The following NRXN3 variants were observed in gnomAD, a reference collection of about 807,000 sequenced individuals.
NRXN3 encodes the protein neurexin III.
NRXN3 carries 32 observed loss-of-function variants against 137.6 expected under a neutral mutation model. The observed-to-expected ratio is 0.23, with a 90% CI of 0.18 to 0.31. The LOEUF is 0.31. Among genes scored for constraint, NRXN3 ranks in the 10% least tolerant of loss-of-function variants. The pLI is 1.00. For missense variants in NRXN3, 1,574 were observed against 2,062.5 expected (o/e 0.76, Z 4.59); for synonymous variants, 798 against 784.5 (o/e 1.02, Z -0.29).
chr14:78,685,582 C>G (rs2098117860), intron 6 of NRXN3, among the ~76,000 whole-genome samples: 1 of 148,852 alleles, frequency 6.7e-6, no homozygotes, highest in South Asian at 2.1e-4. Context: ...ACTCAAATGT[C>G]TGTATGGCTT....
At chr14:78,253,273 G>A (rs1425306691) in intron 2 of NRXN3, among the ~76,000 whole-genome samples, 3 of 151,936 alleles carry the variant, frequency 2.0e-5, no homozygotes, top group African/African-American at 7.3e-5. Flanking sequence ...GATGAAGTGT[G>A]GATCATGTGG....
At chr14:79,455,893 T>C (rs2096251253) in intron 15 of NRXN3, among the ~76,000 whole-genome samples, 1 of 151,980 alleles carries the variant, frequency 6.6e-6, no homozygotes, top group Admixed American at 6.5e-5. Flanking sequence ...AAAACCATCT[T>C]ATTTATCTTA....
At chr14:79,849,040 CCAA>C (rs2099386328) in intron 20 of NRXN3, among the ~76,000 whole-genome samples, 1 of 152,064 alleles carries the variant, frequency 6.6e-6, no homozygotes, top group African/African-American at 2.4e-5. Context: ...GGCCCCTGTC[CCAA>C]CTCTCTTCCC....
chr14:78,291,684 G>T (rs1412828774), intron 3 of NRXN3, among the ~76,000 whole-genome samples: 3 of 152,094 alleles, frequency 2.0e-5, no homozygotes, highest in African/African-American at 7.2e-5. Flanking sequence ...ATGTTTCTAT[G>T]ACCTTCTGAT....
intron 15 of NRXN3, among the ~76,000 whole-genome samples, chr14:79,070,627 C>A (rs1335573147): frequency 6.6e-6 from 1 of 152,146 alleles, no homozygotes; most frequent in African/African-American, 2.4e-5. Context: ...AGATAGAGTT[C>A]AAAGATTTAC....
chr14:78,890,107 C>T (rs1349908816), intron 10 of NRXN3, among the ~76,000 whole-genome samples: 1 of 151,884 alleles, frequency 6.6e-6, no homozygotes, highest in African/African-American at 2.4e-5. Flanking sequence ...GCATTTGGAT[C>T]TCCGACTCTG....
rs77808743 is a variant in NRXN3 at position 79,846,970 on chromosome 14, G to A, written c.4094-14372G>A. On this transcript the variant is annotated intron_variant, in intron 20 of 20. Transcript: ENST00000335750. ...ATGTCTAGTCACTTAACCTCACAGG[G>A]CAGATTTGCTCAACTAATAAGATTT... 1.7e-3 allele frequency among the ~76,000 whole-genome samples: 255 copies of A among 152,216 alleles called. 1 individual carries two copies. Among genetic ancestry groups the A allele is most frequent in the African/African-American group, 5.8e-3 (241 of 41,538 alleles).
chr14:78,630,251 G>T (rs1178896897), intron 4 of NRXN3, among the ~76,000 whole-genome samples: 1 of 152,124 alleles, frequency 6.6e-6, no homozygotes, highest in Non-Finnish European at 1.5e-5. Context: ...TCTGGTTCCA[G>T]ATTATTTATA....
chr14:78,391,137 A>G (rs1283295753), intron 4 of NRXN3, among the ~76,000 whole-genome samples: 1 of 152,148 alleles, frequency 6.6e-6, no homozygotes, highest in Non-Finnish European at 1.5e-5. Flanking sequence ...GCTGCATAGT[A>G]TTCTATGGTG....
At chr14:79,417,965 A>G (rs1478754056) in intron 15 of NRXN3, among the ~76,000 whole-genome samples, 5 of 71,150 alleles carry the variant, frequency 7.0e-5, no homozygotes, top group Admixed American at 3.0e-4. Context: ...AATATATGGA[A>G]AAAAAAAAAG....
intron 3 of NRXN3, chr14:78,282,045 G>A: frequency 2.3e-6 from 1 of 444,130 alleles, no homozygotes; most frequent in Non-Finnish European, 4.6e-6. Context: ...ACATGGTGGA[G>A]CTTAAAGGGT....
chr14:79,563,030 A>G (rs1391006752), intron 16 of NRXN3, among the ~76,000 whole-genome samples: 2 of 152,148 alleles, frequency 1.3e-5, no homozygotes, highest in Admixed American at 6.6e-5. Context: ...ACCCACCCCC[A>G]ATAAGCTCAA....
intron 16 of NRXN3, among the ~76,000 whole-genome samples, chr14:79,541,744 C>T (rs1228367445): frequency 1.3e-5 from 2 of 152,240 alleles, no homozygotes; most frequent in African/African-American, 2.4e-5. Context: ...TGCCTCTAGC[C>T]AAAGACTATC....
chr14:79,697,862 T>C lies in NRXN3; in HGVS notation c.3939T>C (p.Ser1313=), dbSNP rs1376273588. The C allele has an allele frequency of 6.2e-7, 1 of 1,613,270 alleles. No individual in the cohort carries two copies. The highest frequency in any genetic ancestry group is 8.5e-7 in the Non-Finnish European group (1 of 1,179,470). The change falls in exon 19 of 21, where the codon TCT becomes TCC. Residue 1313 remains serine (S), a synonymous_variant. Transcript: ENST00000335750. ...CGACCTCCATGCCACCAGAAATGTCTACTACTGTCATGGAAACCACTACTA... is the reference window on the plus strand; with the variant it reads ...CGACCTCCATGCCACCAGAAATGTCCACTACTGTCATGGAAACCACTACTA... The part of the protein sequence containing the change: ...TQTTSMPPEM[S]TTVMETTTTM...
intron 16 of NRXN3, among the ~76,000 whole-genome samples, chr14:79,647,784 A>T (rs1425064024): frequency 7.4e-6 from 1 of 135,760 alleles, no homozygotes; most frequent in African/African-American, 2.5e-5. Flanking sequence ...AAATTCCTTG[A>T]GCATCTTCTA....
At chr14:79,702,035 C>T (rs1319698110) in intron 19 of NRXN3, among the ~76,000 whole-genome samples, 2 of 151,946 alleles carry the variant, frequency 1.3e-5, no homozygotes, top group Non-Finnish European at 2.9e-5. Flanking sequence ...TGACTACCGA[C>T]AGTAGTGGCT....
chr14:79,148,610 C>T (rs1042609060), intron 15 of NRXN3, among the ~76,000 whole-genome samples: 1 of 152,162 alleles, frequency 6.6e-6, no homozygotes, highest in African/African-American at 2.4e-5. Flanking sequence ...CCTTTGTGGA[C>T]ATACTCAGCC....
At chr14:79,830,644 A>G (rs1034147646) in intron 20 of NRXN3, among the ~76,000 whole-genome samples, 11 of 152,204 alleles carry the variant, frequency 7.2e-5, no homozygotes, top group Admixed American at 5.9e-4. Flanking sequence ...TTGGCATACT[A>G]TTCAATGGCA....
At chr14:79,793,275 CA>C (rs143759820) in intron 19 of NRXN3, among the ~76,000 whole-genome samples, 1 of 151,162 alleles carries the variant, frequency 6.6e-6, no homozygotes, top group South Asian at 2.1e-4. Context: ...ACTAAAAATA[CA>C]AAAAAAAATC....
Sources: gnomAD v4.1 joint callset for allele counts (sites outside exome capture counted in the v4.1 genomes callset) on GRCh38, gnomAD v4.1.1 for gene constraint, MANE v1.5 for transcripts, NCBI Gene and HGNC (gene_info 2026-07-23, HGNC 2026-07-21) for gene names.